ANKS1B: variants seen among roughly 807,000 people sequenced by gnomAD.
ANKS1B encodes the protein ankyrin repeat and sterile alpha motif domain containing 1B.
In ANKS1B, 36 loss-of-function variants were observed where a neutral mutation model predicts 148.3. The observed-to-expected ratio is 0.24, with a 90% CI of 0.19 to 0.32. ANKS1B has a LOEUF of 0.32. Among genes scored for constraint, ANKS1B ranks in the 10% least tolerant of loss-of-function variants. The pLI is 1.00. For synonymous variants in ANKS1B, 542 were observed against 560.8 expected (o/e 0.97, Z 0.47); for missense variants, 1,157 against 1,542.6 (o/e 0.75, Z 4.19).
At chr12:98,812,466 C>T (rs1048353957) in intron 19 of ANKS1B, among the ~76,000 whole-genome samples, 2 of 152,198 alleles carry the variant, frequency 1.3e-5, no homozygotes, top group African/African-American at 2.4e-5. Flanking sequence ...TTTCTCAGAA[C>T]GTATCCCCAT....
intron 9 of ANKS1B, among the ~76,000 whole-genome samples, chr12:99,586,533 G>T (rs1390615847): frequency 6.6e-6 from 1 of 152,118 alleles, no homozygotes; most frequent in African/African-American, 2.4e-5. Flanking sequence ...CTTCTTCTGA[G>T]CCCTCCAAAC....
At chr12:99,077,348 AAG>A (rs2048206055) in intron 16 of ANKS1B, among the ~76,000 whole-genome samples, 2 of 152,314 alleles carry the variant, frequency 1.3e-5, no homozygotes, top group South Asian at 4.1e-4. Context: ...ATGCAATAAA[AAG>A]AATAAAAAGA....
intron 8 of ANKS1B, among the ~76,000 whole-genome samples, chr12:99,719,883 C>T (rs1401774364): frequency 6.6e-6 from 1 of 152,148 alleles, no homozygotes; most frequent in Non-Finnish European, 1.5e-5. Flanking sequence ...GCTAGCATTC[C>T]AACTTATACC....
At chr12:99,961,003 G>A (rs1354155405) in intron 1 of ANKS1B, among the ~76,000 whole-genome samples, 5 of 152,098 alleles carry the variant, frequency 3.3e-5, no homozygotes, top group South Asian at 2.1e-4. Flanking sequence ...CGAGGCGGAC[G>A]GATCATCTGA....
intron 10 of ANKS1B, among the ~76,000 whole-genome samples, chr12:99,463,316 T>C (rs572576613): frequency 1.3e-5 from 2 of 152,232 alleles, no homozygotes; most frequent in Non-Finnish European, 2.9e-5. Context: ...GCAGCCAAGA[T>C]GGCCGAATAG....
intron 10 of ANKS1B, among the ~76,000 whole-genome samples, chr12:99,460,618 T>C (rs983879899): frequency 3.3e-5 from 5 of 151,644 alleles, no homozygotes; most frequent in Admixed American, 3.3e-4. Flanking sequence ...AAAGAAGATA[T>C]ACAAATGGCC....
In ANKS1B at chr12:99,167,409, A is replaced by T. The variant is rs185058424; in HGVS notation, c.2420-13014T>A. Among the ~76,000 whole-genome samples, 1,338 of 152,240 alleles carry T rather than the reference A, an allele frequency of 8.8e-3. 19 individuals are homozygous for T. The highest frequency in any genetic ancestry group is 0.031 in the African/African-American group (1,274 of 41,556). Reference sequence around the variant, plus strand: ...GTATTAAGAAAATAAATCAATTTTTAAAAATGAGCAAAAGATTTGAACAGA... The same window carrying T: ...GTATTAAGAAAATAAATCAATTTTTTAAAATGAGCAAAAGATTTGAACAGA... On this transcript the variant is annotated intron_variant, in intron 14 of 26. Transcript: ENST00000683438.
At chr12:99,505,685 CTAA>C (rs1321163090) in intron 9 of ANKS1B, among the ~76,000 whole-genome samples, 1 of 149,770 alleles carries the variant, frequency 6.7e-6, no homozygotes, top group Non-Finnish European at 1.5e-5. Flanking sequence ...TGTTTTTAAA[CTAA>C]TGAGACATAA....
rs559055261 is a variant in ANKS1B at position 98,926,937 on chromosome 12, G to A, written c.2779-94801C>T. Among the ~76,000 whole-genome samples, 3 of 152,172 alleles carry A rather than the reference G, an allele frequency of 2.0e-5. No individual in the cohort carries two copies. The East Asian group carries it at 5.8e-4, about 29-fold the overall frequency. On this transcript the variant is annotated intron_variant, in intron 17 of 26. Coordinates refer to ENST00000683438, the MANE Select transcript of ANKS1B (RefSeq NM_001352186.2). Reference sequence around the variant, plus strand: ...TCCCAGACAGATAAGAGAAAAAAAGGGGATGAAGAATATTTGAAGAAATAA... The same window carrying A: ...TCCCAGACAGATAAGAGAAAAAAAGAGGATGAAGAATATTTGAAGAAATAA...
At chr12:99,465,560 G>C (rs2096088155) in intron 10 of ANKS1B, among the ~76,000 whole-genome samples, 1 of 151,938 alleles carries the variant, frequency 6.6e-6, no homozygotes, top group Non-Finnish European at 1.5e-5. Flanking sequence ...CTCACGTGCA[G>C]AGACACACAT....
chr12:99,687,727 T>C (rs1237552082), intron 8 of ANKS1B, among the ~76,000 whole-genome samples: 1 of 152,222 alleles, frequency 6.6e-6, no homozygotes, highest in Non-Finnish European at 1.5e-5. Context: ...CTTTATGTGC[T>C]TGAGCATTTT....
At chr12:99,023,749 T>C (rs2099947149) in intron 17 of ANKS1B, among the ~76,000 whole-genome samples, 1 of 151,402 alleles carries the variant, frequency 6.6e-6, no homozygotes, top group Non-Finnish European at 1.5e-5. Context: ...TCTATGTCTC[T>C]TTTTAACATA....
rs779398073 is a variant in ANKS1B, at chr12:98,745,802, A to C, written c.3795T>G (p.Ile1265Met). 1.2e-6 allele frequency: 2 copies of C among 1,613,680 alleles called. No homozygotes were observed. The highest frequency in any genetic ancestry group is 1.1e-5 in the South Asian group (1 of 91,026). ...TCTTGGCTTCTTGGCCCGGCTCCAC[A>C]ATCCACGGTAGATTGGCCAGAGTCT... ...EQKTLANLPW[I>M]VEPGQEAKRG... The change falls in exon 27 of 27, where the codon ATT becomes ATG. Residue 1265 changes from isoleucine (I) to methionine (M), a missense_variant. Ile to Met is a conservative substitution (Grantham distance 10, BLOSUM62 1). Coordinates refer to ENST00000683438, the MANE Select transcript of ANKS1B (RefSeq NM_001352186.2).
rs117713665 is a variant in ANKS1B at position 99,758,795 on chromosome 12, T to C, written c.1128+14127A>G. On this transcript the variant is annotated intron_variant, in intron 8 of 26. Transcript: ENST00000683438. ...GTAATTCTTTAATGCAAGGACTCTT[T>C]AATGTAAGTTAGTGAGGATGATAAT... Among the ~76,000 whole-genome samples, 1,512 of 151,986 alleles carry C rather than the reference T, an allele frequency of 9.9e-3. 11 individuals are homozygous for C. The highest frequency in any genetic ancestry group is 0.016 in the Non-Finnish European group (1,072 of 67,818).
intron 14 of ANKS1B, among the ~76,000 whole-genome samples, chr12:99,157,825 T>C (rs946823129): frequency 6.6e-6 from 1 of 152,124 alleles, no homozygotes; most frequent in Non-Finnish European, 1.5e-5. Flanking sequence ...TAAAATTATA[T>C]ATTACAAAAG....
At chr12:99,236,875 C>T (rs987026781) in intron 14 of ANKS1B, among the ~76,000 whole-genome samples, 59 of 152,240 alleles carry the variant, frequency 3.9e-4, no homozygotes, top group African/African-American at 1.4e-3. Context: ...TGCATGTTCT[C>T]ACTTATAAGT....
intron 12 of ANKS1B, among the ~76,000 whole-genome samples, chr12:99,284,389 T>C (rs1044691460): frequency 1.3e-5 from 2 of 152,208 alleles, no homozygotes; most frequent in African/African-American, 4.8e-5. Context: ...ACTGGTAAGA[T>C]GGACAATAAA....
rs562198990 is a variant in ANKS1B, at chr12:98,904,482, A to G, written c.2779-72346T>C. On this transcript the variant is annotated intron_variant, in intron 17 of 26. Coordinates refer to ENST00000683438, the MANE Select transcript of ANKS1B (RefSeq NM_001352186.2). Reference sequence around the variant, plus strand: ...TTAGTGTTAAGAAATAATCATGAACAGAATTGGATGTGCATCAAAAGCAAA... The same window carrying G: ...TTAGTGTTAAGAAATAATCATGAACGGAATTGGATGTGCATCAAAAGCAAA... Among the ~76,000 whole-genome samples the G allele has an allele frequency of 7.2e-5, 11 of 152,400 alleles. No individual in the cohort carries two copies. The South Asian group carries it at 2.3e-3, about 32-fold the overall frequency.
At chr12:99,665,003 T>C (rs1289940610) in intron 8 of ANKS1B, among the ~76,000 whole-genome samples, 1 of 152,198 alleles carries the variant, frequency 6.6e-6, no homozygotes, top group Non-Finnish European at 1.5e-5. Context: ...TATACCAAAG[T>C]TTTGTTTATA....
Sources: gnomAD v4.1 joint callset for allele counts (sites outside exome capture counted in the v4.1 genomes callset) on GRCh38, gnomAD v4.1.1 for gene constraint, MANE v1.5 for transcripts, NCBI Gene and HGNC (gene_info 2026-07-23, HGNC 2026-07-21) for gene names.